Variants in MYO3A observed in about 807,000 individuals in gnomAD.
The protein encoded by MYO3A is myosin IIIA, also known as myosin-IIIa.
Under a neutral mutation model 192.7 loss-of-function variants are expected in MYO3A, and 180 were observed. The observed-to-expected ratio is 0.93, with a 90% CI of 0.83 to 1.06. The LOEUF (loss-of-function observed/expected upper bound fraction) is 1.06. Among genes scored for constraint, MYO3A ranks in the 50% least tolerant of loss-of-function variants. The probability of loss-of-function intolerance (pLI) is 0.00; values close to 1 mark genes in which losing one functional copy is unlikely to be tolerated. For synonymous variants in MYO3A, 628 were observed against 645.3 expected, an observed-to-expected ratio of 0.97 and a Z score of 0.41; for missense variants, 1,896 against 1,905.0, an observed-to-expected ratio of 1.00 and a Z score of 0.09.
At chr10:25,985,874 A>G (rs575450252) in intron 4 of MYO3A, among the ~76,000 whole-genome samples, 1 of 152,316 alleles carries the variant, frequency 6.6e-6, no homozygotes, top group African/African-American at 2.4e-5. Context: ...TACCAAAACC[A>G]GGGTAGGACA....
intron 31 of MYO3A, among the ~76,000 whole-genome samples, chr10:26,185,133 C>A (rs1459765981): frequency 1.3e-5 from 2 of 152,064 alleles, no homozygotes; most frequent in African/African-American, 4.8e-5. Context: ...AAGTGAGACA[C>A]CCCTTAAGAC....
chr10:26,124,798 A>G (rs1304944878), intron 18 of MYO3A, among the ~76,000 whole-genome samples: 1 of 152,228 alleles, frequency 6.6e-6, no homozygotes, highest in Non-Finnish European at 1.5e-5. Flanking sequence ...TGCCAAATAA[A>G]TGTTTGTTCA....
chr10:26,069,490 C>T (rs760269846), intron 12 of MYO3A, among the ~76,000 whole-genome samples: 92 of 152,084 alleles, frequency 6.0e-4, no homozygotes, highest in Non-Finnish European at 1.1e-3. Flanking sequence ...TATTTGTGTA[C>T]TCCAGAAACT....
rs202143646 is a variant in MYO3A at position 26,126,408 on chromosome 10, AT to A, written c.2114+807del. Among the ~76,000 whole-genome samples the A allele has an allele frequency of 4.6e-3, 694 of 152,210 alleles. 7 individuals are homozygous for A. Among genetic ancestry groups the A allele is most frequent in the African/African-American group, 0.015 (640 of 41,526 alleles). ...CATTTCAAGTATGCAATTCATTATT[AT>A]TTTTTTCACTAAAATACATACCACA... On this transcript the variant is annotated intron_variant, in intron 19 of 34. Coordinates refer to ENST00000642920, the MANE Select transcript of MYO3A (RefSeq NM_017433.5).
chr10:26,180,536 T>C (rs1285511932), intron 31 of MYO3A, among the ~76,000 whole-genome samples: 1 of 152,070 alleles, frequency 6.6e-6, no homozygotes, highest in Non-Finnish European at 1.5e-5. Flanking sequence ...AGAAGCTTTT[T>C]CAAAAAGCAT....
intron 20 of MYO3A, among the ~76,000 whole-genome samples, chr10:26,137,177 A>G (rs1252827632): frequency 6.6e-6 from 1 of 152,214 alleles, no homozygotes; most frequent in African/African-American, 2.4e-5. Context: ...TCTGAGTGCT[A>G]AAGTTATTTG....
Position 25,972,507 on chromosome 10 carries a change from T to G in MYO3A, c.303+17499T>G, listed in dbSNP as rs528108538. Among the ~76,000 whole-genome samples the G allele has an allele frequency of 4.6e-5, 7 of 152,342 alleles. No individual in the cohort carries two copies. In the South Asian group the frequency reaches 6.2e-4, roughly 14 times the overall value. On this transcript the variant is annotated intron_variant, in intron 4 of 34. Coordinates refer to ENST00000642920, the MANE Select transcript of MYO3A (RefSeq NM_017433.5). The stretch of plus-strand genomic sequence containing the variant: ...CCTGTTTCTTTGCATGTCTTATTTT[T>G]TTGTTGTTGTTGAAAACTGTACATT...
At chr10:25,958,126 A>G (rs566818149) in intron 4 of MYO3A, among the ~76,000 whole-genome samples, 4 of 152,210 alleles carry the variant, frequency 2.6e-5, no homozygotes, top group Admixed American at 6.5e-5. Context: ...TTTTGTTGGT[A>G]TTGCTTTTGG....
intron 31 of MYO3A, among the ~76,000 whole-genome samples, chr10:26,191,876 C>G (rs1843149491): frequency 6.6e-6 from 1 of 152,154 alleles, no homozygotes; most frequent in Admixed American, 6.6e-5. Context: ...TGTATTTCAA[C>G]ATCTGGGGAT....
At chr10:26,097,970 T>C (rs1325954073) in intron 17 of MYO3A, among the ~76,000 whole-genome samples, 2 of 152,350 alleles carry the variant, frequency 1.3e-5, no homozygotes, top group Non-Finnish European at 2.9e-5. Flanking sequence ...TTTCTAGTTC[T>C]AGATCCTTGA....
intron 2 of MYO3A, among the ~76,000 whole-genome samples, chr10:25,946,757 T>C (rs1000269815): frequency 2.6e-5 from 4 of 151,464 alleles, no homozygotes; most frequent in African/African-American, 9.7e-5. Flanking sequence ...CGGGCACCTG[T>C]AATCCCGCTA....
intron 4 of MYO3A, among the ~76,000 whole-genome samples, chr10:25,966,599 A>G (rs1223667178): frequency 1.3e-5 from 2 of 152,226 alleles, no homozygotes; most frequent in African/African-American, 4.8e-5. Flanking sequence ...GAACAGTTTT[A>G]GTACCTTTAT....
chr10:26,145,976 C>G (rs989374949), intron 22 of MYO3A, among the ~76,000 whole-genome samples: 1 of 152,186 alleles, frequency 6.6e-6, no homozygotes, highest in African/African-American at 2.4e-5. Context: ...GTATAGACTG[C>G]CTTTTTCAGA....
chr10:26,158,185 T>C (rs933970669), intron 26 of MYO3A, among the ~76,000 whole-genome samples: 4 of 152,194 alleles, frequency 2.6e-5, no homozygotes, highest in Admixed American at 1.3e-4. Flanking sequence ...ATTAGGTTTA[T>C]GTGTCAATTT....
chr10:26,035,544 T>C (rs1208461533), intron 10 of MYO3A, among the ~76,000 whole-genome samples: 2 of 152,238 alleles, frequency 1.3e-5, no homozygotes, highest in Non-Finnish European at 2.9e-5. Context: ...GTCTTTATCA[T>C]ACCACTTTCC....
rs564290286 is a variant in MYO3A, at chr10:25,953,999, G to A, written c.169-875G>A. On this transcript the variant is annotated intron_variant, in intron 3 of 34. Coordinates refer to ENST00000642920, the MANE Select transcript of MYO3A (RefSeq NM_017433.5). Reference sequence around the variant, plus strand: ...TCTTACTCTTACATATTTTTAATCAGTCATTTTCTTTTCAAGAGAGGAGTT... The same window carrying A: ...TCTTACTCTTACATATTTTTAATCAATCATTTTCTTTTCAAGAGAGGAGTT... Among the ~76,000 whole-genome samples the A allele has an allele frequency of 6.6e-5, 10 of 152,152 alleles. No individual in the cohort carries two copies. In the South Asian group the frequency reaches 2.1e-3, roughly 32 times the overall value.
intron 21 of MYO3A, among the ~76,000 whole-genome samples, chr10:26,145,123 G>A (rs1310624356): frequency 6.7e-6 from 1 of 149,446 alleles, no homozygotes; most frequent in Non-Finnish European, 1.5e-5. Context: ...AGGTTGCAGT[G>A]AGCCAAGATC....
chr10:26,001,491 A>G (rs1189210380), intron 6 of MYO3A, among the ~76,000 whole-genome samples: 1 of 152,202 alleles, frequency 6.6e-6, no homozygotes, highest in East Asian at 1.9e-4. Flanking sequence ...TGGAGCAAAC[A>G]GACTTAATCT....
intron 6 of MYO3A, among the ~76,000 whole-genome samples, chr10:26,000,738 T>C (rs1029616848): frequency 2.0e-5 from 3 of 151,948 alleles, no homozygotes; most frequent in African/African-American, 7.3e-5. Context: ...GGAGATGAGC[T>C]TTTAAAAAGA....
Sources: allele counts gnomAD v4.1 joint callset (sites outside exome capture counted in the v4.1 genomes callset), GRCh38; gene constraint gnomAD v4.1.1; transcripts MANE v1.5; gene names NCBI Gene and HGNC (gene_info 2026-07-23, HGNC 2026-07-21).